LYZL6: variants seen among roughly 807,000 people sequenced by gnomAD.
The protein encoded by LYZL6 is lysozyme like 6, also known as lysozyme-like protein 6.
In LYZL6, 21 loss-of-function variants were observed where a neutral mutation model predicts 15.0. That is an observed-to-expected ratio of 1.40 (90% confidence interval 1.00 to 2.02). The LOEUF is 2.02. Among genes scored for constraint, LYZL6 ranks in the 30% most tolerant of loss-of-function variants. The probability of loss-of-function intolerance (pLI) is 0.00; values close to 1 mark genes in which losing one functional copy is unlikely to be tolerated. For synonymous variants in LYZL6, 72 were observed against 67.8 expected, an observed-to-expected ratio of 1.06 and a Z score of -0.31; for missense variants, 173 against 180.5, an observed-to-expected ratio of 0.96 and a Z score of 0.24.
At chr17:35,942,706 A>G (rs67974110) in intron 1 of LYZL6, among the ~76,000 whole-genome samples, 114,568 of 151,996 alleles carry the variant, frequency 0.75, 43,299 homozygotes, top group South Asian at 0.84. Flanking sequence ...GCACAGAAGG[A>G]TGGGGGAAGT....
rs201846616 is a variant in LYZL6 at position 35,939,205 on chromosome 17, G to A, written c.139+13C>T. On this transcript the variant is annotated intron_variant, in intron 2 of 4. Coordinates refer to ENST00000615905, the MANE Select transcript of LYZL6 (RefSeq NM_020426.4). Reference sequence around the variant, plus strand: ...AGAGGAGAAATGGCTGGGGAGGGGCGGATGGTACTCACAGTCACTCAGGGA... The same window carrying A: ...AGAGGAGAAATGGCTGGGGAGGGGCAGATGGTACTCACAGTCACTCAGGGA... 191 of 1,610,582 alleles carry A rather than the reference G, an allele frequency of 1.2e-4. No homozygotes were observed. Among genetic ancestry groups the A allele is most frequent in the Middle Eastern group, 1.7e-4 (1 of 6,038 alleles).
Position 35,934,685 on chromosome 17 carries a change from T to A in LYZL6, c.*111A>T. ...GGCTCTGGTCAGTTTTAGTTGTAAA[T>A]GGGAAGGGAAGAAAATAACATGAAG... On this transcript the variant is annotated 3_prime_UTR_variant, in exon 5 of 5. Transcript: ENST00000615905. 1.9e-6 allele frequency: 2 copies of A among 1,062,678 alleles called. No individual in the cohort carries two copies. The highest frequency in any genetic ancestry group is 2.8e-6 in the Non-Finnish European group (2 of 711,690). 65.8% of individuals were successfully genotyped at this position (1,062,678 alleles called of 1,614,324 possible). A position where few individuals can be genotyped will look rare whatever the true frequency, so the allele number is the denominator to read the frequency against.
At position 35,939,346 on chromosome 17, in the gene LYZL6, G is replaced by A. The variant is rs374373306; in HGVS notation, c.11C>T (p.Ala4Val). The A allele has an allele frequency of 7.5e-5, 121 of 1,613,936 alleles. No homozygotes were observed. The highest frequency in any genetic ancestry group is 6.0e-4 in the South Asian group (55 of 91,074). Residue 4 changes from alanine (A) to valine (V), a missense_variant, in exon 2 of 5, where the codon GCG becomes GTG. Physicochemically the swap from Ala to Val is moderately conservative, Grantham distance 64 (BLOSUM62 0). Coordinates refer to ENST00000615905, the MANE Select transcript of LYZL6 (RefSeq NM_020426.4). Reference sequence around the variant, plus strand: ...GCTGCTGACCAAATAGATGAGTAGCGCCTTTGTCATCCTTGGAGGGGAGGA... The same window carrying A: ...GCTGCTGACCAAATAGATGAGTAGCACCTTTGTCATCCTTGGAGGGGAGGA... Reference protein sequence around the residue: MTKALLIYLVSSFL... With the variant: MTKVLLIYLVSSFL...
intron 1 of LYZL6, among the ~76,000 whole-genome samples, chr17:35,942,748 A>G (rs1263289305): frequency 6.6e-6 from 1 of 152,164 alleles, no homozygotes; most frequent in Non-Finnish European, 1.5e-5. Flanking sequence ...TCACACTTAT[A>G]CAATGGGCCC....
At chr17:35,941,678 G>A (rs1046609803) in intron 1 of LYZL6, among the ~76,000 whole-genome samples, 1 of 152,072 alleles carries the variant, frequency 6.6e-6, no homozygotes, top group East Asian at 1.9e-4. Flanking sequence ...TTGACAAAAA[G>A]ATACATTGTG....
intron 1 of LYZL6, among the ~76,000 whole-genome samples, chr17:35,939,916 ATG>A (rs758603622): frequency 6.6e-6 from 1 of 152,134 alleles, no homozygotes; most frequent in Non-Finnish European, 1.5e-5. Context: ...TCACCAGCAT[ATG>A]TGTGTGTGTA....
At chr17:35,941,568 T>G (rs1380959916) in intron 1 of LYZL6, among the ~76,000 whole-genome samples, 1 of 152,142 alleles carries the variant, frequency 6.6e-6, no homozygotes, top group Non-Finnish European at 1.5e-5. Flanking sequence ...GCATAATGGT[T>G]TCCAACCCAA....
Position 35,934,723 on chromosome 17 carries a change from G to A in LYZL6, c.*73C>T. 1 of 1,362,976 alleles carries A rather than the reference G, an allele frequency of 7.3e-7. No individual in the cohort carries two copies. Among genetic ancestry groups the A allele is most frequent in the South Asian group, 1.2e-5 (1 of 84,038 alleles). 84.4% of individuals were successfully genotyped at this position (1,362,976 alleles called of 1,614,324 possible). On this transcript the variant is annotated 3_prime_UTR_variant, in exon 5 of 5. Transcript: ENST00000615905. ...AAATAACATGAAGTGGAGGCAGTAG[G>A]AAGAAGAAATGAAGAATCCCTGAGT...
At chr17:35,936,959 C>T in intron 3 of LYZL6, 126 bp from the exon 4 acceptor site, 1 of 752,976 alleles carries the variant, frequency 1.3e-6, no homozygotes, top group Non-Finnish European at 2.3e-6. Context: ...AAGGCTGTCT[C>T]CCAGGGGGCC....
At position 35,934,842 on chromosome 17, in the gene LYZL6, G is replaced by C. The variant is rs891665161; in HGVS notation, c.401C>G (p.Ser134Ter). ...NNWVEWRLHC[S>*]GRPLFYWLTG... ...CAGCCAGTAGAAGAGTGGCCGGCCT[G>C]AACAGTGCAACCTCCATTCTACCCT... Residue 134 changes from serine (S) to a stop codon, truncating the protein, a stop_gained, in exon 5 of 5, where the codon TCA (serine) becomes TGA (stop). Coordinates refer to ENST00000615905, the MANE Select transcript of LYZL6 (RefSeq NM_020426.4). LOFTEE classifies it high-confidence loss of function. 1 of 1,614,156 alleles carries C rather than the reference G, an allele frequency of 6.2e-7. No individual in the cohort carries two copies.
intron 1 of LYZL6, among the ~76,000 whole-genome samples, chr17:35,941,453 G>A (rs1025209161): frequency 6.6e-6 from 1 of 151,916 alleles, no homozygotes. Context: ...TCACTTTCTT[G>A]GTGGTGTTCT....
intron 1 of LYZL6, among the ~76,000 whole-genome samples, chr17:35,940,653 A>G (rs1164555193): frequency 6.6e-6 from 1 of 152,174 alleles, no homozygotes; most frequent in African/African-American, 2.4e-5. Context: ...CCCTGCACCC[A>G]TTTAGCAGTC....
At chr17:35,938,342 G>T (rs747059468) in intron 2 of LYZL6, among the ~76,000 whole-genome samples, 1 of 152,178 alleles carries the variant, frequency 6.6e-6, no homozygotes, top group Admixed American at 6.5e-5. Context: ...TATGTATGCC[G>T]GGCGCGGTGG....
In LYZL6 at chr17:35,934,837, G is replaced by A. The variant is rs61753640; in HGVS notation, c.406C>T (p.Arg136Trp). ...WVEWRLHCSG[R>W]PLFYWLTGCR... Reference sequence around the variant, plus strand: ...CCTGTCAGCCAGTAGAAGAGTGGCCGGCCTGAACAGTGCAACCTCCATTCT... The same window carrying A: ...CCTGTCAGCCAGTAGAAGAGTGGCCAGCCTGAACAGTGCAACCTCCATTCT... The change falls in exon 5 of 5, where the codon CGG becomes TGG. Residue 136 changes from arginine to tryptophan, a missense_variant. By Grantham distance (101) the Arg-to-Trp change is moderately radical. Transcript: ENST00000615905. 78 of 1,614,002 alleles carry A rather than the reference G, an allele frequency of 4.8e-5. 1 individual carries two copies. The South Asian group carries it at 7.7e-4, about 16-fold the overall frequency.
chr17:35,934,945 G>C (rs1013708083), intron 4 of LYZL6, 80 bp from the exon 5 acceptor site: 3 of 1,332,684 alleles, frequency 2.3e-6, no homozygotes, highest in East Asian at 2.3e-5. Flanking sequence ...GGTGAGTCTC[G>C]CATATGGAGC....
intron 4 of LYZL6, among the ~76,000 whole-genome samples, chr17:35,935,451 T>A (rs2526329): frequency 0.069 from 10,496 of 152,236 alleles, 1,251 homozygotes; most frequent in African/African-American, 0.24. Context: ...ATTCTTTCTC[T>A]GTCACCCAGG....
intron 2 of LYZL6, among the ~76,000 whole-genome samples, chr17:35,938,718 T>C (rs911864185): frequency 1.3e-5 from 2 of 151,612 alleles, no homozygotes; most frequent in African/African-American, 2.4e-5. Flanking sequence ...AAGGGAGATA[T>C]CCCTTCCATG....
At chr17:35,937,093 G>T (rs7214327) in intron 3 of LYZL6, among the ~76,000 whole-genome samples, 8,520 of 152,326 alleles carry the variant, frequency 0.056, 767 homozygotes, top group African/African-American at 0.19. Flanking sequence ...GTAGATAGTG[G>T]TTCACTCAAA....
At chr17:35,943,156 T>C (rs2089436390) in intron 1 of LYZL6, among the ~76,000 whole-genome samples, 1 of 152,150 alleles carries the variant, frequency 6.6e-6, no homozygotes, top group African/African-American at 2.4e-5. Flanking sequence ...CCTATTAAAC[T>C]CCTGCTCCAA....
Sources: allele counts gnomAD v4.1 joint callset (sites outside exome capture counted in the v4.1 genomes callset), GRCh38; gene constraint gnomAD v4.1.1; transcripts MANE v1.5; gene names NCBI Gene and HGNC (gene_info 2026-07-23, HGNC 2026-07-21).